Variants in MACC1 observed in about 807,000 individuals in gnomAD.
MACC1 encodes metastasis-associated in colon cancer protein 1.
Under a neutral mutation model 70.7 loss-of-function variants are expected in MACC1, and 79 were observed. The ratio of observed to expected loss-of-function variants is 1.12; its 90% CI spans 0.93 to 1.35. MACC1 has a LOEUF of 1.35. MACC1 is among the 40% of genes most tolerant of loss of function. MACC1 has a pLI of 0.00. For synonymous variants in MACC1, 361 were observed against 347.2 expected, an observed-to-expected ratio of 1.04 and a Z score of -0.44; for missense variants, 1,106 against 978.1, an observed-to-expected ratio of 1.13 and a Z score of -1.74.
chr7:20,213,226 TATC>T (rs1466761288), intron 1 of MACC1, among the ~76,000 whole-genome samples: 1 of 152,146 alleles, frequency 6.6e-6, no homozygotes, highest in Non-Finnish European at 1.5e-5. Flanking sequence ...CACAATGAGA[TATC>T]ATCTAACACC....
At chr7:20,152,944 A>G (rs1782002283) in intron 6 of MACC1, among the ~76,000 whole-genome samples, 1 of 152,088 alleles carries the variant, frequency 6.6e-6, no homozygotes, top group African/African-American at 2.4e-5. Context: ...TATCCCTCAT[A>G]ATATTTGTTT....
chr7:20,171,822 T>A (rs1024244503), intron 1 of MACC1, among the ~76,000 whole-genome samples: 4 of 152,194 alleles, frequency 2.6e-5, no homozygotes, highest in African/African-American at 9.7e-5. Flanking sequence ...CCTCAGGTGA[T>A]CTGCCCACCT....
rs561237590 is a variant in MACC1 at position 20,183,803 on chromosome 7, G to A, written c.-217-13025C>T. Among the ~76,000 whole-genome samples, 5 of 151,478 alleles carry A rather than the reference G, an allele frequency of 3.3e-5. No homozygotes were observed. The South Asian group carries it at 8.3e-4, about 25-fold the overall frequency. On this transcript the variant is annotated intron_variant, in intron 1 of 6. Transcript: ENST00000400331. ...ACCTCACTGCAGCCTCCGTTCCCGG[G>A]TTCAAGCAATTCTCCTGCCTCAGCT...
chr7:20,169,402 A>G (rs1397773892), intron 2 of MACC1, among the ~76,000 whole-genome samples: 6 of 152,192 alleles, frequency 3.9e-5, no homozygotes, highest in Admixed American at 6.5e-5. Context: ...TGTACTTTTC[A>G]AAAGGTATAA....
chr7:20,141,674 A>C (rs994914026), intron 6 of MACC1, among the ~76,000 whole-genome samples: 1 of 152,200 alleles, frequency 6.6e-6, no homozygotes, highest in Non-Finnish European at 1.5e-5. Context: ...AGATGAAAGC[A>C]AAAATATAAT....
At chr7:20,212,931 G>A (rs975585270) in intron 1 of MACC1, among the ~76,000 whole-genome samples, 6 of 152,100 alleles carry the variant, frequency 3.9e-5, no homozygotes, top group African/African-American at 7.2e-5. Flanking sequence ...CCATTTGGTA[G>A]GTTCCACCTA....
intron 1 of MACC1, among the ~76,000 whole-genome samples, chr7:20,180,914 A>G (rs548426093): frequency 7.1e-4 from 108 of 152,314 alleles, no homozygotes; most frequent in Middle Eastern, 6.8e-3. Flanking sequence ...AAATTGGCAA[A>G]TGTTTATGAA....
chr7:20,149,875 T>A (rs147636780), intron 6 of MACC1, among the ~76,000 whole-genome samples: 163 of 152,358 alleles, frequency 1.1e-3, no homozygotes, highest in African/African-American at 3.7e-3. Flanking sequence ...ATCATTAGTA[T>A]AATACAGTGG....
intron 1 of MACC1, among the ~76,000 whole-genome samples, chr7:20,197,710 T>C (rs1782776007): frequency 1.3e-5 from 2 of 152,208 alleles, no homozygotes; most frequent in Admixed American, 1.3e-4. Flanking sequence ...AAACTCTGCA[T>C]AGATCACGGA....
intron 3 of MACC1, among the ~76,000 whole-genome samples, chr7:20,163,306 G>C (rs1426268415): frequency 6.6e-6 from 1 of 152,194 alleles, no homozygotes; most frequent in African/African-American, 2.4e-5. Flanking sequence ...CAAAGGGAAA[G>C]CCTATATACT....
chr7:20,208,912 T>G (rs1782954125), intron 1 of MACC1, among the ~76,000 whole-genome samples: 1 of 152,184 alleles, frequency 6.6e-6, no homozygotes, highest in South Asian at 2.1e-4. Context: ...TCACCTCCAG[T>G]CATGGCTAAA....
chr7:20,195,365 G>T (rs560637393), intron 1 of MACC1, among the ~76,000 whole-genome samples: 23 of 152,338 alleles, frequency 1.5e-4, no homozygotes, highest in African/African-American at 5.3e-4. Context: ...TCCACAGGCT[G>T]AAAAGCATAG....
chr7:20,165,791 T>C (rs546013890), intron 2 of MACC1, among the ~76,000 whole-genome samples: 3 of 152,294 alleles, frequency 2.0e-5, no homozygotes, highest in Non-Finnish European at 2.9e-5. Context: ...ATTTGGGACA[T>C]GGTTTTTCAA....
intron 1 of MACC1, among the ~76,000 whole-genome samples, chr7:20,209,303 G>A (rs1001700002): frequency 6.6e-6 from 1 of 152,232 alleles, no homozygotes. Flanking sequence ...ATGCCAGCCT[G>A]TGAAAGCAGC....
intron 1 of MACC1, among the ~76,000 whole-genome samples, chr7:20,189,637 A>G (rs1782642258): frequency 6.6e-6 from 1 of 152,146 alleles, no homozygotes; most frequent in Non-Finnish European, 1.5e-5. Flanking sequence ...AAGCATAACC[A>G]AGAAGTAACA....
chr7:20,201,522 C>A (rs1182578081), intron 1 of MACC1, among the ~76,000 whole-genome samples: 1 of 152,102 alleles, frequency 6.6e-6, no homozygotes, highest in Non-Finnish European at 1.5e-5. Context: ...AGAGGCTGGT[C>A]ATGACATACT....
At chr7:20,154,448 A>G in intron 5 of MACC1, 67 bp from the exon 6 acceptor site, 3 of 1,458,144 alleles carry the variant, frequency 2.1e-6, no homozygotes, top group Non-Finnish European at 2.8e-6. Flanking sequence ...ATAAATTGGA[A>G]TTTTTATTAC....
intron 2 of MACC1, among the ~76,000 whole-genome samples, chr7:20,167,061 G>T (rs577191643): frequency 6.6e-6 from 1 of 152,206 alleles, no homozygotes; most frequent in East Asian, 1.9e-4. Flanking sequence ...AAAGGTAAAA[G>T]ATAATCATAA....
At chr7:20,216,228 T>G (rs1229362235) in intron 1 of MACC1, among the ~76,000 whole-genome samples, 1 of 152,104 alleles carries the variant, frequency 6.6e-6, no homozygotes, top group Non-Finnish European at 1.5e-5. Flanking sequence ...GAATATAGAC[T>G]TAAGACATTT....
Sources: gnomAD v4.1 joint callset for allele counts (sites outside exome capture counted in the v4.1 genomes callset) on GRCh38, gnomAD v4.1.1 for gene constraint, MANE v1.5 for transcripts, NCBI Gene and HGNC (gene_info 2026-07-23, HGNC 2026-07-21) for gene names.